Variants in STK32B observed in about 807,000 individuals in gnomAD.
STK32B encodes serine/threonine-protein kinase 32B.
Under a neutral mutation model 52.6 loss-of-function variants are expected in STK32B, and 43 were observed. That is an observed-to-expected ratio of 0.82 (90% CI 0.64 to 1.05). STK32B has a LOEUF of 1.05. Ranked by LOEUF, STK32B falls within the 50% of genes least tolerant of loss-of-function variation. The probability of loss-of-function intolerance (pLI) is 0.00; values close to 1 mark genes in which losing one functional copy is unlikely to be tolerated. For missense variants in STK32B, 621 were observed against 534.6 expected, an observed-to-expected ratio of 1.16 and a Z score of -1.59; for synonymous variants, 238 against 204.3, an observed-to-expected ratio of 1.17 and a Z score of -1.41.
chr4:5,313,694 G>T (rs1258792337), intron 3 of STK32B, among the ~76,000 whole-genome samples: 2 of 152,082 alleles, frequency 1.3e-5, no homozygotes, highest in Non-Finnish European at 2.9e-5. Flanking sequence ...CAAGGTTGTG[G>T]TCTACAACAT....
intron 11 of STK32B, among the ~76,000 whole-genome samples, chr4:5,496,008 G>C (rs1212662548): frequency 1.3e-5 from 2 of 152,328 alleles, no homozygotes; most frequent in East Asian, 1.9e-4. Flanking sequence ...CTCCCGGTTA[G>C]GCTGCTCGGG....
At position 5,079,899 on chromosome 4, in the gene STK32B, A is replaced by T. The variant is rs905636618; in HGVS notation, c.52+27984A>T. Among the ~76,000 whole-genome samples the T allele has an allele frequency of 2.6e-5, 4 of 152,128 alleles. No homozygotes were observed. In the East Asian group the frequency reaches 7.7e-4, roughly 29 times the overall value. On this transcript the variant is annotated intron_variant, in intron 1 of 11. Transcript: ENST00000282908. Reference sequence around the variant, plus strand: ...TACTCCATGATCTCACTTATATGTGATCTCTAAAAAAAGCCAAACTCACAA... The same window carrying T: ...TACTCCATGATCTCACTTATATGTGTTCTCTAAAAAAAGCCAAACTCACAA...
At chr4:5,329,700 T>C (rs547120026) in intron 3 of STK32B, among the ~76,000 whole-genome samples, 3 of 152,294 alleles carry the variant, frequency 2.0e-5, no homozygotes, top group African/African-American at 7.2e-5. Context: ...TATCAGACAG[T>C]AGGTGTTCCA....
intron 3 of STK32B, among the ~76,000 whole-genome samples, chr4:5,173,780 G>C (rs1022577187): frequency 6.6e-6 from 1 of 152,206 alleles, no homozygotes; most frequent in Admixed American, 6.5e-5. Flanking sequence ...TGTATATTCT[G>C]TTGATTTGGG....
chr4:5,371,011 T>C lies in STK32B; in HGVS notation c.435-27196T>C, dbSNP rs546942463. Among the ~76,000 whole-genome samples the C allele has an allele frequency of 4.0e-5, 6 of 150,298 alleles. No homozygotes were observed. In the East Asian group the frequency reaches 7.8e-4, roughly 19 times the overall value. ...GTGTGTGTGTGTATATATATATATATGTATATATATGTGTATATATATGTA... is the reference window on the plus strand; with the variant it reads ...GTGTGTGTGTGTATATATATATATACGTATATATATGTGTATATATATGTA... On this transcript the variant is annotated intron_variant, in intron 4 of 11. Transcript: ENST00000282908.
intron 9 of STK32B, among the ~76,000 whole-genome samples, chr4:5,461,565 C>T (rs906413643): frequency 6.6e-6 from 1 of 152,196 alleles, no homozygotes; most frequent in East Asian, 1.9e-4. Context: ...TGAATCCAAC[C>T]GAAGCCAAGC....
intron 6 of STK32B, chr4:5,435,628 G>A (rs1006042071): frequency 2.6e-5 from 4 of 152,190 alleles, no homozygotes; most frequent in Non-Finnish European, 4.4e-5. Flanking sequence ...CAATAGAAGT[G>A]TTTGCTATTT....
chr4:5,392,387 T>C (rs1262134104), intron 4 of STK32B, among the ~76,000 whole-genome samples: 2 of 152,158 alleles, frequency 1.3e-5, no homozygotes, highest in African/African-American at 2.4e-5. Context: ...GATCATGCCA[T>C]TGCAGTCCAG....
chr4:5,422,717 T>C (rs76729068), intron 6 of STK32B, among the ~76,000 whole-genome samples: 1 of 152,178 alleles, frequency 6.6e-6, no homozygotes, highest in Admixed American at 6.5e-5. Context: ...CTCCCAGTCC[T>C]CACACAGATT....
intron 3 of STK32B, among the ~76,000 whole-genome samples, chr4:5,259,277 T>C (rs1354777586): frequency 2.6e-5 from 4 of 152,374 alleles, no homozygotes; most frequent in African/African-American, 9.6e-5. Flanking sequence ...GGAATTCTTA[T>C]GTCTGTTTCT....
chr4:5,349,404 G>C (rs114021199), intron 4 of STK32B, among the ~76,000 whole-genome samples: 283 of 152,012 alleles, frequency 1.9e-3, no homozygotes, highest in African/African-American at 6.4e-3. Flanking sequence ...AAACCATACA[G>C]AGACTACACT....
chr4:5,144,141 A>ACAT (rs1469548886), intron 2 of STK32B, among the ~76,000 whole-genome samples: 20 of 152,338 alleles, frequency 1.3e-4, no homozygotes, highest in African/African-American at 4.8e-4. Context: ...CAGCTCAGCA[A>ACAT]GTGTTGATGA....
intron 4 of STK32B, among the ~76,000 whole-genome samples, chr4:5,372,260 ATGTC>A (rs1289104768): frequency 6.6e-5 from 10 of 152,198 alleles, no homozygotes; most frequent in African/African-American, 2.2e-4. Context: ...ATTCTGATGA[ATGTC>A]TGACCCATGA....
At chr4:5,434,224 G>GTGAA (rs1713838916) in intron 6 of STK32B, among the ~76,000 whole-genome samples, 1 of 152,170 alleles carries the variant, frequency 6.6e-6, no homozygotes, top group Non-Finnish European at 1.5e-5. Flanking sequence ...GTCAGGGAAT[G>GTGAA]TGAATCAAGA....
At chr4:5,298,290 T>C (rs912949575) in intron 3 of STK32B, among the ~76,000 whole-genome samples, 2 of 152,190 alleles carry the variant, frequency 1.3e-5, no homozygotes, top group Non-Finnish European at 2.9e-5. Context: ...AGGCAGTCTG[T>C]TCCTTAGGAG....
the STK32B span, among the ~76,000 whole-genome samples, chr4:5,046,172 A>G: frequency 6.6e-6 from 1 of 152,188 alleles, no homozygotes; most frequent in Non-Finnish European, 1.5e-5. Context: ...AGACATATAG[A>G]TATCAGTGGA....
At chr4:5,218,677 G>T (rs1169427795) in intron 3 of STK32B, among the ~76,000 whole-genome samples, 1 of 152,128 alleles carries the variant, frequency 6.6e-6, no homozygotes, top group African/African-American at 2.4e-5. Context: ...TTTAGCACCC[G>T]TTCTTGCTAG....
chr4:5,233,196 G>T (rs552587197), intron 3 of STK32B, among the ~76,000 whole-genome samples: 2 of 152,180 alleles, frequency 1.3e-5, no homozygotes, highest in African/African-American at 4.8e-5. Flanking sequence ...GAATGGACAG[G>T]TTTATGGGCA....
chr4:5,218,920 G>C (rs1439524873), intron 3 of STK32B, among the ~76,000 whole-genome samples: 2 of 152,140 alleles, frequency 1.3e-5, no homozygotes, highest in Non-Finnish European at 2.9e-5. Context: ...CTGGGCCTCA[G>C]GTGGCACAGG....
Sources: allele counts gnomAD v4.1 joint callset (sites outside exome capture counted in the v4.1 genomes callset), GRCh38; gene constraint gnomAD v4.1.1; transcripts MANE v1.5; gene names NCBI Gene and HGNC (gene_info 2026-07-23, HGNC 2026-07-21).